EPB41: variants seen among roughly 807,000 people sequenced by gnomAD.
The protein encoded by EPB41 is erythrocyte membrane protein band 4.1, also known as protein 4.1.
In EPB41, 65 loss-of-function variants were observed where a neutral mutation model predicts 108.0. That is an observed-to-expected ratio of 0.60 (90% CI 0.49 to 0.74). The LOEUF is 0.74. EPB41 is among the 30% of genes least tolerant of loss of function. The pLI, the probability that EPB41 is intolerant of heterozygous loss-of-function variation, is 0.00. For missense variants in EPB41, 875 were observed against 1,037.0 expected (o/e 0.84, Z 2.15); for synonymous variants, 336 against 358.9 (o/e 0.94, Z 0.72).
intron 1 of EPB41, among the ~76,000 whole-genome samples, chr1:28,920,746 C>G (rs2093013192): frequency 6.6e-6 from 1 of 151,996 alleles, no homozygotes; most frequent in South Asian, 2.1e-4. Flanking sequence ...CTCAGGTGAT[C>G]TTCCCACCTC....
At chr1:29,003,499 T>A (rs1356249164) in intron 4 of EPB41, among the ~76,000 whole-genome samples, 1 of 152,192 alleles carries the variant, frequency 6.6e-6, no homozygotes, top group Non-Finnish European at 1.5e-5. Context: ...ACAGAATTAG[T>A]TTATGTTGTA....
chr1:29,082,446 A>G (rs1462395718), intron 16 of EPB41, among the ~76,000 whole-genome samples: 1 of 152,218 alleles, frequency 6.6e-6, no homozygotes, highest in African/African-American at 2.4e-5. Flanking sequence ...TTTTCTAGAT[A>G]TCAAATTTTC....
chr1:29,077,761 AAGT>A (rs764162863), intron 16 of EPB41, among the ~76,000 whole-genome samples: 56 of 152,214 alleles, frequency 3.7e-4, no homozygotes, highest in Non-Finnish European at 6.9e-4. Context: ...TGTAGAGTGA[AAGT>A]AGTATAGATA....
At chr1:28,906,829 G>A (rs1211548547) in intron 1 of EPB41, among the ~76,000 whole-genome samples, 4 of 149,316 alleles carry the variant, frequency 2.7e-5, no homozygotes, top group Admixed American at 6.7e-5. Context: ...AGGCTGGAGT[G>A]CAGTAGTGCG....
chr1:29,064,381 TA>T (rs747994546), intron 15 of EPB41, among the ~76,000 whole-genome samples: 6 of 152,178 alleles, frequency 3.9e-5, no homozygotes, highest in Non-Finnish European at 8.8e-5. Flanking sequence ...GGAATTTCAG[TA>T]ATAAATTCTT....
At chr1:29,071,724 T>C (rs949263744) in intron 16 of EPB41, 1 of 152,082 alleles carries the variant, frequency 6.6e-6, no homozygotes, top group African/African-American at 2.4e-5. Context: ...CTCACATGCC[T>C]AACCTGTTAT....
chr1:28,935,716 C>A (rs188291458), intron 1 of EPB41, among the ~76,000 whole-genome samples: 304 of 151,790 alleles, frequency 2.0e-3, no homozygotes, highest in African/African-American at 7.1e-3. Flanking sequence ...GTCATGAGAT[C>A]GAGACCATCC....
intron 5 of EPB41, among the ~76,000 whole-genome samples, chr1:29,015,131 A>G (rs548502683): frequency 7.2e-5 from 11 of 152,348 alleles, no homozygotes; most frequent in African/African-American, 2.6e-4. Flanking sequence ...AAATCAAACG[A>G]TTATATTAAG....
rs192770761 is a variant in EPB41, at chr1:29,043,013, A to G, written c.1636+3587A>G. 3.4e-3 allele frequency among the ~76,000 whole-genome samples: 525 copies of G among 152,220 alleles called. 5 individuals are homozygous for G. The highest frequency in any genetic ancestry group is 0.012 in the African/African-American group (506 of 41,544). ...TACATATTTATTACTTTGTTCAACAATTTTTCCTATGGGCCAGATGGTATT... is the reference window on the plus strand; with the variant it reads ...TACATATTTATTACTTTGTTCAACAGTTTTTCCTATGGGCCAGATGGTATT... On this transcript the variant is annotated intron_variant, in intron 11 of 20. Transcript: ENST00000343067.
chr1:29,060,330 A>G, intron 14 of EPB41, 92 bp from the exon 15 acceptor site: 1 of 1,105,052 alleles, frequency 9.0e-7, no homozygotes, highest in Non-Finnish European at 1.4e-6. Flanking sequence ...ATTTTTAAAT[A>G]TTTTTTGGTT....
chr1:28,993,667 T>TTC, intron 3 of EPB41, 125 bp downstream of exon 3: 2 of 907,644 alleles, frequency 2.2e-6, no homozygotes, highest in Non-Finnish European at 3.3e-6. Flanking sequence ...CTTTTTTTTT[T>TTC]TTTTTTTGAG....
At chr1:29,029,092 A>T (rs2096757464) in intron 7 of EPB41, among the ~76,000 whole-genome samples, 1 of 152,182 alleles carries the variant, frequency 6.6e-6, no homozygotes, top group Admixed American at 6.6e-5. Flanking sequence ...CAGTAACAAC[A>T]ACAGAAACAT....
At chr1:29,026,396 A>G (rs2096719750) in intron 7 of EPB41, among the ~76,000 whole-genome samples, 1 of 152,200 alleles carries the variant, frequency 6.6e-6, no homozygotes, top group African/African-American at 2.4e-5. Flanking sequence ...ATAGAAATAT[A>G]GATGTAAAAA....
At chr1:29,001,327 CTCAAAAAAAAA>C (rs1297941127) in intron 4 of EPB41, among the ~76,000 whole-genome samples, 1 of 151,876 alleles carries the variant, frequency 6.6e-6, no homozygotes, top group Non-Finnish European at 1.5e-5. Context: ...GAGATCCCGT[CTCAAAAAAAAA>C]TCATGCTGTC....
Position 29,047,580 on chromosome 1 carries a change from A to G in EPB41, c.1637-5524A>G, listed in dbSNP as rs546264505. ...AGTTGTGTTTTTCTAGGAAATGTGCATTTTATCTAAATTTCCAAATATATT... is the reference window on the plus strand; with the variant it reads ...AGTTGTGTTTTTCTAGGAAATGTGCGTTTTATCTAAATTTCCAAATATATT... On this transcript the variant is annotated intron_variant, in intron 11 of 20. Transcript: ENST00000343067. 3.7e-4 allele frequency among the ~76,000 whole-genome samples: 56 copies of G among 151,988 alleles called. No individual in the cohort carries two copies. The Middle Eastern group carries it at 0.01, about 28-fold the overall frequency.
At chr1:29,021,666 T>C in intron 7 of EPB41, among the ~76,000 whole-genome samples, 1 of 151,524 alleles carries the variant, frequency 6.6e-6, no homozygotes, top group Non-Finnish European at 1.5e-5. Flanking sequence ...CACTGCAAGC[T>C]CCGTCTCCCG....
chr1:29,112,895 C>G (rs1370569067), intron 19 of EPB41, among the ~76,000 whole-genome samples: 2 of 152,096 alleles, frequency 1.3e-5, no homozygotes, highest in African/African-American at 4.8e-5. Context: ...TAGACAACAT[C>G]AAAACAAAGG....
At chr1:28,939,217 G>A (rs920570963) in intron 1 of EPB41, among the ~76,000 whole-genome samples, 1 of 152,024 alleles carries the variant, frequency 6.6e-6, no homozygotes, top group African/African-American at 2.4e-5. Context: ...AAGGATGTTG[G>A]TATTTTCAAA....
At chr1:29,108,863 A>G (rs1414769637) in intron 17 of EPB41, among the ~76,000 whole-genome samples, 2 of 132,906 alleles carry the variant, frequency 1.5e-5, no homozygotes, top group African/African-American at 5.8e-5. Context: ...GGCCCAATTT[A>G]TTTTATTTGT....
Sources: gnomAD v4.1 joint callset for allele counts (sites outside exome capture counted in the v4.1 genomes callset) on GRCh38, gnomAD v4.1.1 for gene constraint, MANE v1.5 for transcripts, NCBI Gene and HGNC (gene_info 2026-07-23, HGNC 2026-07-21) for gene names.